Variants in PCNX2 observed in about 807,000 individuals in gnomAD.
PCNX2 encodes pecanex-like protein 2.
Under a neutral mutation model 223.8 loss-of-function variants are expected in PCNX2, and 168 were observed. That is an observed-to-expected ratio of 0.75 (90% CI 0.66 to 0.85). The LOEUF is 0.85. Ranked by LOEUF, PCNX2 falls within the 40% of genes least tolerant of loss-of-function variation. The probability of loss-of-function intolerance (pLI) is 0.00; values close to 1 mark genes in which losing one functional copy is unlikely to be tolerated. For synonymous variants in PCNX2, 1,006 were observed against 1,052.6 expected, an observed-to-expected ratio of 0.96 and a Z score of 0.86; for missense variants, 2,507 against 2,675.5, an observed-to-expected ratio of 0.94 and a Z score of 1.39.
chr1:233,289,371 G>C, intron 1 of PCNX2: 1 of 1,243,680 alleles, frequency 8.0e-7, no homozygotes, highest in Non-Finnish European at 1.2e-6. Context: ...CTCCAGAAGA[G>C]CCTGGGAGAT....
chr1:233,218,206 A>G (rs1657110867), intron 10 of PCNX2, 22 bp from the exon 11 acceptor site: 1 of 810,290 alleles, frequency 1.2e-6, no homozygotes, highest in South Asian at 2.0e-5. Flanking sequence ...ATATACATAA[A>G]AGCAAAAAAA....
intron 25 of PCNX2, chr1:233,033,129 C>T (rs753061928): frequency 4.4e-5 from 43 of 985,322 alleles, no homozygotes; most frequent in Admixed American, 1.8e-4. Flanking sequence ...AAGGCTGTCT[C>T]TGTCTGGTAT....
At chr1:233,014,566 A>G (rs1400129154) in intron 28 of PCNX2, 99 bp downstream of exon 28, 1 of 877,640 alleles carries the variant, frequency 1.1e-6, no homozygotes, top group Non-Finnish European at 1.8e-6. Context: ...TAGTATAATA[A>G]GTCCAGCTTC....
intron 23 of PCNX2, among the ~76,000 whole-genome samples, chr1:233,068,459 G>A (rs1672712675): frequency 6.6e-6 from 1 of 152,136 alleles, no homozygotes; most frequent in African/African-American, 2.4e-5. Context: ...AAATACAATA[G>A]ACGTCCTTCT....
Position 233,001,286 on chromosome 1 carries a change from C to T in PCNX2, c.5097+251G>A, listed in dbSNP as rs145449954. 9.1e-3 allele frequency among the ~76,000 whole-genome samples: 1,379 copies of T among 152,210 alleles called. 13 individuals carry two copies. Among genetic ancestry groups the T allele is most frequent in the African/African-American group, 0.032 (1,318 of 41,520 alleles). ...CTTAAGGTCGGGAGTTCGAGATCAG[C>T]CTGACCAACATGGAGAAACCCCATT... On this transcript the variant is annotated intron_variant, in intron 29 of 33. Transcript: ENST00000258229. This position sits in a 1 kb window ranked among gnomAD's most constrained non-coding sequence, Gnocchi z 4.2.
At chr1:233,291,128 G>A (rs982719622) in intron 1 of PCNX2, 25 of 975,426 alleles carry the variant, frequency 2.6e-5, no homozygotes, top group Middle Eastern at 1.0e-3. Context: ...CCAAAGACTC[G>A]GATGCTACAG....
intron 28 of PCNX2, among the ~76,000 whole-genome samples, chr1:233,006,872 C>T (rs964325929): frequency 1.8e-4 from 27 of 152,164 alleles, no homozygotes; most frequent in African/African-American, 6.0e-4. Context: ...TGATTAGTAA[C>T]AGAAATACTC....
At chr1:233,316,429 T>C in the PCNX2 span, among the ~76,000 whole-genome samples, 1 of 152,194 alleles carries the variant, frequency 6.6e-6, no homozygotes, top group African/African-American at 2.4e-5. Context: ...TGTTTTAACC[T>C]GTCACTAAAC....
At chr1:233,007,189 C>T (rs1558158195) in intron 28 of PCNX2, among the ~76,000 whole-genome samples, 1 of 151,270 alleles carries the variant, frequency 6.6e-6, no homozygotes, top group Non-Finnish European at 1.5e-5. Context: ...AGCCATTGTA[C>T]TCCAGCTTGG....
chr1:233,135,402 G>A (rs1676746863), intron 20 of PCNX2, among the ~76,000 whole-genome samples: 1 of 152,180 alleles, frequency 6.6e-6, no homozygotes, highest in African/African-American at 2.4e-5. Context: ...TCTCAAAGGG[G>A]CAGAACAAAA....
At chr1:233,295,950 C>CTTCCTTCA (rs1662085828), upstream of PCNX2, among the ~76,000 whole-genome samples, 1 of 145,002 alleles carries the variant, frequency 6.9e-6, no homozygotes, top group Non-Finnish European at 1.5e-5. The surrounding 1 kb of genome is among the most constrained non-coding windows in gnomAD (Gnocchi z 4.1). Context: ...TCCTTCCTTC[C>CTTCCTTCA]TTTCTCTCTC....
chr1:233,163,695 T>A (rs1678632627), intron 17 of PCNX2, among the ~76,000 whole-genome samples: 1 of 151,878 alleles, frequency 6.6e-6, no homozygotes, highest in South Asian at 2.1e-4. Flanking sequence ...TCCTAATCTA[T>A]CCCTTTCCTC....
At chr1:233,118,584 A>C (rs2102988733) in intron 21 of PCNX2, among the ~76,000 whole-genome samples, 1 of 152,196 alleles carries the variant, frequency 6.6e-6, no homozygotes, top group South Asian at 2.1e-4. Flanking sequence ...CAATAAAACC[A>C]TACATTCTGA....
chr1:233,301,612 AG>A, the PCNX2 span, among the ~76,000 whole-genome samples: 2 of 152,222 alleles, frequency 1.3e-5, no homozygotes, highest in African/African-American at 4.8e-5. Context: ...CAGGAATTCA[AG>A]GTTGGCTTAA....
chr1:233,220,236 T>C (rs975114194), intron 10 of PCNX2, among the ~76,000 whole-genome samples: 4 of 152,374 alleles, frequency 2.6e-5, no homozygotes, highest in South Asian at 2.1e-4. Context: ...ATAAAGCTGT[T>C]ACAAACATTC....
intron 32 of PCNX2, among the ~76,000 whole-genome samples, chr1:232,987,820 T>C (rs1201556541): frequency 2.0e-5 from 3 of 152,212 alleles, no homozygotes; most frequent in Non-Finnish European, 4.4e-5. Context: ...TTGACCACAG[T>C]GCCAGTTTGG....
chr1:233,270,273 A>G (rs1660575484), intron 1 of PCNX2, among the ~76,000 whole-genome samples: 1 of 152,226 alleles, frequency 6.6e-6, no homozygotes, highest in Non-Finnish European at 1.5e-5. Context: ...CAGATTCAAA[A>G]TAATATTTCT....
At chr1:233,237,045 C>T in intron 8 of PCNX2, 65 bp from the exon 9 acceptor site, 7 of 1,594,120 alleles carry the variant, frequency 4.4e-6, no homozygotes, top group Non-Finnish European at 6.0e-6. Flanking sequence ...ATTTATTATA[C>T]ACAAACACAA....
intron 12 of PCNX2, chr1:233,211,772 A>G: frequency 1.0e-6 from 1 of 985,246 alleles, no homozygotes; most frequent in Non-Finnish European, 1.2e-6. Flanking sequence ...ACAAAATTTC[A>G]TTCATACTCA....
Sources: allele counts gnomAD v4.1 joint callset (sites outside exome capture counted in the v4.1 genomes callset), GRCh38; gene constraint gnomAD v4.1.1; non-coding constraint Gnocchi (gnomAD v3.1); transcripts MANE v1.5; gene names NCBI Gene and HGNC (gene_info 2026-07-23, HGNC 2026-07-21).